Variants in TBCD observed in about 807,000 individuals in gnomAD.
The protein encoded by TBCD is tubulin folding cofactor D, also known as tubulin-specific chaperone D.
In TBCD, 105 loss-of-function variants were observed where a neutral mutation model predicts 169.3. That is an observed-to-expected ratio of 0.62 (90% CI 0.53 to 0.73). The LOEUF (loss-of-function observed/expected upper bound fraction) is 0.73. TBCD is among the 30% of genes least tolerant of loss of function. TBCD has a pLI of 0.00. For synonymous variants in TBCD, 700 were observed against 643.9 expected (o/e 1.09, Z -1.32); for missense variants, 1,444 against 1,600.1 (o/e 0.90, Z 1.66).
intron 24 of TBCD, 35 bp from the exon 25 acceptor site, chr17:82,921,466 G>T (rs2061415467): frequency 6.3e-7 from 1 of 1,583,504 alleles, no homozygotes; most frequent in South Asian, 1.1e-5. Flanking sequence ...TGGTGTTTTT[G>T]ATTGCCTGGG....
At chr17:82,757,264 C>T (rs1273204561) in intron 2 of TBCD, among the ~76,000 whole-genome samples, 4 of 152,146 alleles carry the variant, frequency 2.6e-5, no homozygotes, top group Non-Finnish European at 5.9e-5. Flanking sequence ...CTTTCATGTG[C>T]GCACACGTGC....
chr17:82,809,276 C>T (rs74002505), intron 11 of TBCD, among the ~76,000 whole-genome samples: 14,425 of 152,136 alleles, frequency 0.095, 1,838 homozygotes, highest in African/African-American at 0.29. Context: ...CAGCCTCAGG[C>T]GGCCTCCATG....
chr17:82,807,843 C>G (rs1337906801), intron 11 of TBCD, among the ~76,000 whole-genome samples, 175 bp downstream of exon 11: 3 of 152,252 alleles, frequency 2.0e-5, no homozygotes, highest in African/African-American at 7.2e-5. Context: ...CGAGGCGGAG[C>G]TTCGGTCTCC....
chr17:82,795,688 C>G lies in TBCD; in HGVS notation c.772-2069C>G, dbSNP rs139198406. 1.4e-3 allele frequency: 1,126 copies of G among 831,020 alleles called. 1 individual carries two copies. Among genetic ancestry groups the G allele is most frequent in the Admixed American group, 1.7e-3 (28 of 16,078 alleles). The allele number at this position is 831,020 out of a possible 1,614,324, so 51.5% of individuals were successfully genotyped here. Reference sequence around the variant, plus strand: ...GGCATCAGTGACAGCCGCACTCTTGCGTGGATCGATTCTGTGGCCTCGCAG... The same window carrying G: ...GGCATCAGTGACAGCCGCACTCTTGGGTGGATCGATTCTGTGGCCTCGCAG... On this transcript the variant is annotated intron_variant, in intron 7 of 38. Transcript: ENST00000355528.
rs1447122986 is a variant in TBCD, at chr17:82,835,426, T to C, written c.1318+20492T>C. Among the ~76,000 whole-genome samples, 2 of 152,176 alleles carry C rather than the reference T, an allele frequency of 1.3e-5. No individual in the cohort carries two copies. Among genetic ancestry groups the C allele is most frequent in the African/African-American group, 2.4e-5 (1 of 41,444 alleles). On this transcript the variant is annotated intron_variant, in intron 13 of 38. Coordinates refer to ENST00000355528, the MANE Select transcript of TBCD (RefSeq NM_005993.5). The surrounding 1 kb of genome is among the most constrained non-coding windows in gnomAD (Gnocchi z 4.5). The stretch of plus-strand genomic sequence containing the variant: ...CTACTGATTTATTCATATTTCTTTC[T>C]TTCTTTCTTTTTTGAGACGGAGTTT...
chr17:82,851,001 A>G (rs1681475741), intron 13 of TBCD, among the ~76,000 whole-genome samples: 1 of 152,252 alleles, frequency 6.6e-6, no homozygotes, highest in African/African-American at 2.4e-5. Context: ...GCATGATTCC[A>G]TAATTGATAC....
intron 20 of TBCD, 124 bp downstream of exon 20, chr17:82,906,177 TCA>T: frequency 1.4e-6 from 1 of 735,254 alleles, no homozygotes; most frequent in Non-Finnish European, 2.2e-6. Flanking sequence ...TGCACCAGTG[TCA>T]CAGTCGATAG....
chr17:82,821,071 T>C (rs1397779309), intron 13 of TBCD, among the ~76,000 whole-genome samples: 2 of 152,146 alleles, frequency 1.3e-5, no homozygotes, highest in Non-Finnish European at 2.9e-5. Context: ...CTCTCCCGCC[T>C]CAGCCTCCTG....
chr17:82,829,314 C>CCA (rs1163051000), intron 13 of TBCD: 3 of 154,628 alleles, frequency 1.9e-5, no homozygotes, highest in African/African-American at 7.2e-5. Flanking sequence ...CACACCCCCC[C>CCA]CACACAGATA....
chr17:82,861,705 T>C lies in TBCD; in HGVS notation c.1319-8519T>C, dbSNP rs1444703189. 1.3e-5 allele frequency among the ~76,000 whole-genome samples: 2 copies of C among 152,198 alleles called. 1 individual carries two copies. The highest frequency in any genetic ancestry group is 4.8e-5 in the African/African-American group (2 of 41,462). Reference sequence around the variant, plus strand: ...TTTGCACCTCACCAAGCTGTGCTGGTGTGGCCGTGGCACATACCGGGCTTT... The same window carrying C: ...TTTGCACCTCACCAAGCTGTGCTGGCGTGGCCGTGGCACATACCGGGCTTT... On this transcript the variant is annotated intron_variant, in intron 13 of 38. Coordinates refer to ENST00000355528, the MANE Select transcript of TBCD (RefSeq NM_005993.5).
chr17:82,830,382 G>A, intron 13 of TBCD: 1 of 1,612,618 alleles, frequency 6.2e-7, no homozygotes, highest in Non-Finnish European at 8.5e-7. Context: ...TCCTGGGGCT[G>A]TAGGCCGCCA....
At position 82,835,385 on chromosome 17, in the gene TBCD, C is replaced by G. The variant is rs972408806; in HGVS notation, c.1318+20451C>G. The stretch of plus-strand genomic sequence containing the variant: ...TGGGGAAGTGCTCTGATTTTGTTCT[C>G]AGCAAACTGGTTTCTCTACTGATTT... On this transcript the variant is annotated intron_variant, in intron 13 of 38. Transcript: ENST00000355528. The surrounding 1 kb of genome is among the most constrained non-coding windows in gnomAD (Gnocchi z 4.5). 6.6e-6 allele frequency among the ~76,000 whole-genome samples: 1 copy of G among 152,106 alleles called. No homozygotes were observed. The highest frequency in any genetic ancestry group is 6.5e-5 in the Admixed American group (1 of 15,282).
Position 82,807,686 on chromosome 17 carries a change from C to A in TBCD, c.1148+18C>A, listed in dbSNP as rs2051072974. The A allele has an allele frequency of 2.1e-6, 3 of 1,458,850 alleles. No homozygotes were observed. The highest frequency in any genetic ancestry group is 5.4e-5 in the East Asian group (2 of 36,994). The allele number at this position is 1,458,850 out of a possible 1,614,324, so 90.4% of individuals were successfully genotyped here. A position where few individuals can be genotyped will look rare whatever the true frequency, so the allele number is the denominator to read the frequency against. On this transcript the variant is annotated intron_variant, in intron 11 of 38. Transcript: ENST00000355528. ...GCCAAGGGGTAGGTGTCTGTGGCCG[C>A]AGAAGCACCCCGGGGGGTGGGCCGG...
chr17:82,892,176 A>T (rs1168028152), intron 16 of TBCD, among the ~76,000 whole-genome samples: 3 of 150,868 alleles, frequency 2.0e-5, no homozygotes, highest in African/African-American at 7.3e-5. Context: ...CCGTGGGGGG[A>T]TGCTGGACAC....
intron 29 of TBCD, among the ~76,000 whole-genome samples, chr17:82,927,547 TGTC>T (rs1343800607): frequency 2.0e-5 from 3 of 152,216 alleles, no homozygotes; most frequent in Non-Finnish European, 4.4e-5. Context: ...GTTGGGCCTG[TGTC>T]GTCCTCGTTG....
At chr17:82,875,921 TG>T (rs928561597) in intron 14 of TBCD, among the ~76,000 whole-genome samples, 2 of 152,126 alleles carry the variant, frequency 1.3e-5, no homozygotes, top group African/African-American at 4.8e-5. Flanking sequence ...CTTTGGTTCT[TG>T]GGGGTTAGGA....
chr17:82,753,447 C>CTTTTTTTTTTTTTTTTTTTTTTTTTTT (rs59839519), intron 1 of TBCD, among the ~76,000 whole-genome samples: 1 of 104,294 alleles, frequency 9.6e-6, no homozygotes. Flanking sequence ...TGGCTTCTTC[C>CTTTTTTTTTTTTTTTTTTTTTTTTTTT]TTTTTTTTTT....
rs114127721 is a variant in TBCD at position 82,833,323 on chromosome 17, G to A, written c.1318+18389G>A. Among the ~76,000 whole-genome samples the A allele has an allele frequency of 0.01, 1,547 of 152,176 alleles. 33 individuals are homozygous for A. Among genetic ancestry groups the A allele is most frequent in the African/African-American group, 0.035 (1,434 of 41,504 alleles). On this transcript the variant is annotated intron_variant, in intron 13 of 38. Transcript: ENST00000355528. This position sits in a 1 kb window ranked among gnomAD's most constrained non-coding sequence, Gnocchi z 4.7. ...GGATGCTGCTGCCTCCCCTGGGGCC[G>A]ATCCCTAAGCACTCGTGGCAGTTTC...
intron 13 of TBCD, chr17:82,830,424 C>A: frequency 6.2e-7 from 1 of 1,611,704 alleles, no homozygotes; most frequent in Non-Finnish European, 8.5e-7. Flanking sequence ...CCGTCTGCTT[C>A]TGCTCCTCGC....
Sources: allele counts gnomAD v4.1 joint callset (sites outside exome capture counted in the v4.1 genomes callset), GRCh38; gene constraint gnomAD v4.1.1; non-coding constraint Gnocchi (gnomAD v3.1); transcripts MANE v1.5; gene names NCBI Gene and HGNC (gene_info 2026-07-23, HGNC 2026-07-21).